MYH10: variants seen among roughly 807,000 people sequenced by gnomAD.
MYH10 encodes the protein myosin heavy chain 10.
Under a neutral mutation model 257.8 loss-of-function variants are expected in MYH10, and 55 were observed. The ratio of observed to expected loss-of-function variants is 0.21; its 90% CI spans 0.17 to 0.27. MYH10 has a LOEUF of 0.27. MYH10 is among the 10% of genes least tolerant of loss of function. The pLI is 1.00. For synonymous variants in MYH10, 854 were observed against 921.7 expected, an observed-to-expected ratio of 0.93 and a Z score of 1.33; for missense variants, 1,631 against 2,500.6, an observed-to-expected ratio of 0.65 and a Z score of 7.42.
At position 8,504,231 on chromosome 17, in the gene MYH10, C is replaced by T. The variant is rs565233953; in HGVS notation, c.3599+463G>A. 1.3e-3 allele frequency among the ~76,000 whole-genome samples: 195 copies of T among 152,312 alleles called. 2 individuals are homozygous for T. Among genetic ancestry groups the T allele is most frequent in the African/African-American group, 4.2e-3 (176 of 41,564 alleles). ...CCAGTGCGTGCACCAGCCTTCTTCT[C>T]ACCCTTGTGAAGGCACCCTTCCCTT... On this transcript the variant is annotated intron_variant, in intron 28 of 42. Coordinates refer to ENST00000360416, the MANE Select transcript of MYH10 (RefSeq NM_001256012.3). The surrounding 1 kb of genome is among the most constrained non-coding windows in gnomAD (Gnocchi z 5.6).
At position 8,609,732 on chromosome 17, in the gene MYH10, T is replaced by C. The variant is rs567090724; in HGVS notation, c.346-4750A>G. Among the ~76,000 whole-genome samples, 6 of 152,160 alleles carry C rather than the reference T, an allele frequency of 3.9e-5. No individual in the cohort carries two copies. The South Asian group carries it at 8.3e-4, about 21-fold the overall frequency. ...TCAAGTGATAAGAGCAGACATTTAT[T>C]ATAGGAGAGCATCCTTCTTAAAGAA... On this transcript the variant is annotated intron_variant, in intron 2 of 42. Coordinates refer to ENST00000360416, the MANE Select transcript of MYH10 (RefSeq NM_001256012.3).
At position 8,495,179 on chromosome 17, in the gene MYH10, A is replaced by G. The variant is rs1916387987; in HGVS notation, c.4014T>C (p.Ala1338=). 1.9e-6 allele frequency: 3 copies of G among 1,613,536 alleles called. No homozygotes were observed. The South Asian group carries it at 3.3e-5, about 18-fold the overall frequency. ...EEAEKKGIKF[A]KDAASLESQL... ...GAGACTCAAGACTAGCTGCATCCTT[A>G]GCAAATTTAATACCCTTCTTCTCTG... Residue 1338 remains alanine, a synonymous_variant, in exon 31 of 43, where the codon GCT becomes GCC. Transcript: ENST00000360416.
chr17:8,561,186 A>G, intron 7 of MYH10: 1 of 691,814 alleles, frequency 1.4e-6, no homozygotes, highest in Non-Finnish European at 2.6e-6. Context: ...AAATGGGAGA[A>G]AATTAAGATT....
intron 5 of MYH10, 71 bp downstream of exon 5, chr17:8,577,165 G>T: frequency 8.0e-7 from 1 of 1,252,132 alleles, no homozygotes; most frequent in Non-Finnish European, 1.1e-6. Flanking sequence ...GAGTAGACTG[G>T]CTTCCTTATT....
chr17:8,537,242 A>G (rs1022631808), intron 14 of MYH10, among the ~76,000 whole-genome samples: 2 of 152,250 alleles, frequency 1.3e-5, no homozygotes, highest in Non-Finnish European at 2.9e-5. Flanking sequence ...CACACTCATG[A>G]AATCAGCTGT....
rs138051807 is a variant in MYH10 at position 8,604,860 on chromosome 17, A to G, written c.468T>C (p.Ala156=). The change falls in exon 3 of 43, where the codon GCT becomes GCC. Residue 156 remains alanine (A), a synonymous_variant. Coordinates refer to ENST00000360416, the MANE Select transcript of MYH10 (RefSeq NM_001256012.3). ...TGCATCTGTAAGCAGATTCAGATAT[A>G]GCATAGATGTGTGGAGGCATCTCAT... The part of the protein sequence containing the change: ...KRHEMPPHIY[A]ISESAYRCML... 3.1e-5 allele frequency: 50 copies of G among 1,590,700 alleles called. No individual in the cohort carries two copies. Among genetic ancestry groups the G allele is most frequent in the Non-Finnish European group, 4.0e-5 (47 of 1,168,492 alleles).
At chr17:8,585,286 G>A (rs866456754) in intron 4 of MYH10, among the ~76,000 whole-genome samples, 108 of 84,612 alleles carry the variant, frequency 1.3e-3, no homozygotes, top group African/African-American at 1.9e-3. Context: ...ATGTGTGTGT[G>A]TGTATATATA....
intron 25 of MYH10, among the ~76,000 whole-genome samples, 199 bp from the exon 26 acceptor site, chr17:8,508,876 T>G (rs896775271): frequency 6.6e-6 from 1 of 152,194 alleles, no homozygotes; most frequent in Non-Finnish European, 1.5e-5. Context: ...AGTGGTCTCC[T>G]AAGATGATCA....
chr17:8,547,114 C>A (rs957070128), intron 11 of MYH10, among the ~76,000 whole-genome samples: 5 of 152,090 alleles, frequency 3.3e-5, no homozygotes, highest in Non-Finnish European at 7.4e-5. Context: ...AGACAACCGA[C>A]GGGCATAGCA....
intron 7 of MYH10, among the ~76,000 whole-genome samples, chr17:8,566,454 T>C (rs2083170748): frequency 1.3e-5 from 2 of 152,184 alleles, no homozygotes; most frequent in Non-Finnish European, 2.9e-5. Context: ...TGCCATGTCA[T>C]GGCAACATTC....
At chr17:8,614,299 A>G (rs1024912584) in intron 2 of MYH10, among the ~76,000 whole-genome samples, 1 of 142,534 alleles carries the variant, frequency 7.0e-6, no homozygotes, top group African/African-American at 2.7e-5. Flanking sequence ...AAAGTAAGCA[A>G]TTCACTTCTT....
intron 3 of MYH10, among the ~76,000 whole-genome samples, chr17:8,594,451 C>T (rs2084284245): frequency 6.6e-6 from 1 of 152,080 alleles, no homozygotes; most frequent in Admixed American, 6.6e-5. Context: ...ACAAGGATGG[C>T]GAACACCTGG....
rs546148617 is a variant in MYH10 at position 8,549,586 on chromosome 17, G to C, written c.920-799C>G. Among the ~76,000 whole-genome samples the C allele has an allele frequency of 9.1e-4, 138 of 152,300 alleles. 2 individuals carry two copies. Among genetic ancestry groups the C allele is most frequent in the Middle Eastern group, 3.4e-3 (1 of 294 alleles). ...GCTCTCCTGCAGAGAATTTCTGCAGGTCACCCTGTCCCGTTATTCTTGTCT... is the reference window on the plus strand; with the variant it reads ...GCTCTCCTGCAGAGAATTTCTGCAGCTCACCCTGTCCCGTTATTCTTGTCT... On this transcript the variant is annotated intron_variant, in intron 9 of 42. Transcript: ENST00000360416.
At chr17:8,497,348 T>G (rs534339494) in intron 30 of MYH10, among the ~76,000 whole-genome samples, 1 of 152,228 alleles carries the variant, frequency 6.6e-6, no homozygotes. Flanking sequence ...GCTGGTTGCA[T>G]AGAAGTCCGT....
At chr17:8,485,320 G>GA (rs549247594) in intron 36 of MYH10, among the ~76,000 whole-genome samples, 3 of 151,906 alleles carry the variant, frequency 2.0e-5, no homozygotes, top group East Asian at 3.9e-4. Flanking sequence ...AAACGTCACT[G>GA]AAAAAAATAA....
intron 4 of MYH10, among the ~76,000 whole-genome samples, chr17:8,586,229 A>G (rs1253939205): frequency 6.6e-6 from 1 of 152,210 alleles, no homozygotes; most frequent in Non-Finnish European, 1.5e-5. Context: ...GAGAGGATAT[A>G]TGCCTTTTAT....
In MYH10 at chr17:8,506,401, C is replaced by G; in HGVS notation, c.3303G>C (p.Gln1101His). The G allele has an allele frequency of 6.2e-7, 1 of 1,612,348 alleles. No individual in the cohort carries two copies. The highest frequency in any genetic ancestry group is 8.5e-7 in the Non-Finnish European group (1 of 1,179,492). ...CAATCTGCGCCTGCAGCTCTGCGAT[C>G]TGGTCCTGCAGGTCGGTCGTCTCCC... ...LDGETTDLQD[Q>H]IAELQAQIDE... The change falls in exon 27 of 43, where the codon CAG becomes CAC. Residue 1101 changes from glutamine to histidine, a missense_variant. This residue lies in a region of MYH10 where 169 missense variants were observed against 249.8 expected (regional missense o/e 0.68). Transcript: ENST00000360416. The surrounding 1 kb of genome is among the most constrained non-coding windows in gnomAD (Gnocchi z 5.0).
chr17:8,598,063 G>C (rs532523136), intron 3 of MYH10, among the ~76,000 whole-genome samples: 2 of 151,900 alleles, frequency 1.3e-5, no homozygotes, highest in African/African-American at 2.4e-5. Flanking sequence ...CTCACTGCAA[G>C]CTCTGCCTCC....
chr17:8,522,896 T>C (rs1322073119), intron 17 of MYH10, among the ~76,000 whole-genome samples: 4 of 152,178 alleles, frequency 2.6e-5, no homozygotes, highest in Non-Finnish European at 4.4e-5. Context: ...CACAGCACCA[T>C]TGTAAAAACT....
Sources: allele counts gnomAD v4.1 joint callset (sites outside exome capture counted in the v4.1 genomes callset), GRCh38; gene constraint gnomAD v4.1.1; regional missense constraint gnomAD v4.1.1; non-coding constraint Gnocchi (gnomAD v3.1); transcripts MANE v1.5; gene names NCBI Gene and HGNC (gene_info 2026-07-23, HGNC 2026-07-21).